The following DENND2A variants were observed in gnomAD, a reference collection of about 807,000 sequenced individuals.
DENND2A encodes DENN domain-containing protein 2A.
In DENND2A, 53 loss-of-function variants were observed where a neutral mutation model predicts 105.3. That is an observed-to-expected ratio of 0.50 (90% CI 0.40 to 0.63). The LOEUF is 0.63. DENND2A is among the 30% of genes least tolerant of loss of function. The probability of loss-of-function intolerance (pLI) is 0.00; values close to 1 mark genes in which losing one functional copy is unlikely to be tolerated. For synonymous variants in DENND2A, 522 were observed against 508.4 expected (o/e 1.03, Z -0.36); for missense variants, 1,138 against 1,279.6 (o/e 0.89, Z 1.69).
intron 1 of DENND2A, among the ~76,000 whole-genome samples, chr7:140,614,182 C>A (rs1800004881): frequency 6.6e-6 from 1 of 152,162 alleles, no homozygotes; most frequent in Non-Finnish European, 1.5e-5. Flanking sequence ...TGGCTCACTG[C>A]AGCCTCTACC....
At chr7:140,600,088 A>G (rs1266056772) in intron 3 of DENND2A, among the ~76,000 whole-genome samples, 2 of 152,104 alleles carry the variant, frequency 1.3e-5, no homozygotes, top group East Asian at 3.9e-4. Flanking sequence ...ATGACTTTTT[A>G]GGTTTGTGGC....
intron 5 of DENND2A, among the ~76,000 whole-genome samples, chr7:140,580,118 T>G (rs1798478263): frequency 6.6e-6 from 1 of 151,944 alleles, no homozygotes; most frequent in Non-Finnish European, 1.5e-5. Flanking sequence ...CAAAAAAAAA[T>G]GTAAATCTAT....
At chr7:140,546,992 G>A (rs943852643) in intron 12 of DENND2A, 53 bp from the exon 13 acceptor site, 13 of 1,586,954 alleles carry the variant, frequency 8.2e-6, no homozygotes, top group Admixed American at 3.4e-5. Context: ...GCACCAAGGT[G>A]GAGCTCAGTT....
chr7:140,607,906 C>G (rs1799751678), intron 1 of DENND2A, among the ~76,000 whole-genome samples: 1 of 152,112 alleles, frequency 6.6e-6, no homozygotes, highest in Non-Finnish European at 1.5e-5. Context: ...CAGGATGCAC[C>G]GAAGGACTCA....
rs6942870 is a variant in DENND2A at position 140,637,101 on chromosome 7, C to G, written c.-248+3403G>C. ...CTGATCTCAAGTGATCTGCCTGCCTCGGCCTCCCAAAGCGTTGGGATTACA... is the reference window on the plus strand; with the variant it reads ...CTGATCTCAAGTGATCTGCCTGCCTGGGCCTCCCAAAGCGTTGGGATTACA... On this transcript the variant is annotated intron_variant, in intron 1 of 19. Coordinates refer to ENST00000496613, the MANE Select transcript of DENND2A (RefSeq NM_015689.5). Among the ~76,000 whole-genome samples, 965 of 152,166 alleles carry G rather than the reference C, an allele frequency of 6.3e-3. 4 individuals carry two copies. Among genetic ancestry groups the G allele is most frequent in the African/African-American group, 0.022 (916 of 41,538 alleles).
intron 8 of DENND2A, among the ~76,000 whole-genome samples, chr7:140,567,793 C>G (rs544716586): frequency 1.3e-5 from 2 of 152,300 alleles, no homozygotes; most frequent in South Asian, 4.1e-4. Flanking sequence ...CTCAGGAACT[C>G]CTGTCCACCT....
At chr7:140,628,364 G>A (rs1157068745) in intron 1 of DENND2A, among the ~76,000 whole-genome samples, 2 of 152,036 alleles carry the variant, frequency 1.3e-5, no homozygotes, top group African/African-American at 4.8e-5. Flanking sequence ...GGCGGAGGTC[G>A]CCCTCAGACC....
At chr7:140,547,881 G>A (rs1297248366) in intron 12 of DENND2A, among the ~76,000 whole-genome samples, 1 of 152,182 alleles carries the variant, frequency 6.6e-6, no homozygotes, top group Non-Finnish European at 1.5e-5. Context: ...AGTCATAAAA[G>A]GCCATCTAAT....
At chr7:140,636,512 CT>C (rs1214346142) in intron 1 of DENND2A, among the ~76,000 whole-genome samples, 1 of 152,128 alleles carries the variant, frequency 6.6e-6, no homozygotes, top group African/African-American at 2.4e-5. Context: ...CACCTGGGAT[CT>C]TTTGGAATCT....
intron 18 of DENND2A, among the ~76,000 whole-genome samples, chr7:140,520,234 A>G (rs1468057098): frequency 1.3e-5 from 2 of 150,264 alleles, no homozygotes; most frequent in East Asian, 4.0e-4. Flanking sequence ...TGAACCCGGG[A>G]GGCGGAGGTT....
At chr7:140,579,373 T>C (rs1033688871) in intron 5 of DENND2A, among the ~76,000 whole-genome samples, 1 of 150,064 alleles carries the variant, frequency 6.7e-6, no homozygotes, top group Non-Finnish European at 1.5e-5. Context: ...CAAAACTGCA[T>C]ATACAATATA....
chr7:140,525,047 G>A lies in DENND2A; in HGVS notation c.2547+704C>T, dbSNP rs528715664. Reference sequence around the variant, plus strand: ...ACTACAGGCGTAAATGCATATTGAAGCTGGGCATGGTGGTGCATGCCTCCA... The same window carrying A: ...ACTACAGGCGTAAATGCATATTGAAACTGGGCATGGTGGTGCATGCCTCCA... On this transcript the variant is annotated intron_variant, in intron 16 of 19. Coordinates refer to ENST00000496613, the MANE Select transcript of DENND2A (RefSeq NM_015689.5). Among the ~76,000 whole-genome samples the A allele has an allele frequency of 1.3e-3, 195 of 151,318 alleles. 1 individual carries two copies. Among genetic ancestry groups the A allele is most frequent in the African/African-American group, 4.5e-3 (184 of 41,012 alleles).
chr7:140,523,707 T>C lies in DENND2A; in HGVS notation c.2548-283A>G, dbSNP rs868157613. ...ATTCTGCCTCAGCCTCCCAAGTAGC[T>C]GGAACTACAGGCGCGTGCCACCGCT... On this transcript the variant is annotated intron_variant, in intron 16 of 19. Transcript: ENST00000496613. The surrounding 1 kb of genome is among the most constrained non-coding windows in gnomAD (Gnocchi z 4.5). Among the ~76,000 whole-genome samples, 1 of 152,184 alleles carries C rather than the reference T, an allele frequency of 6.6e-6. No individual in the cohort carries two copies. The highest frequency in any genetic ancestry group is 1.5e-5 in the Non-Finnish European group (1 of 68,036).
Position 140,570,622 on chromosome 7 carries a change from C to A in DENND2A, c.1447-884G>T, listed in dbSNP as rs1029423683. Reference sequence around the variant, plus strand: ...GACACGCTCCCCAGATGTCATGTACCCTCCATGTGTTCACAGAACACACAC... The same window carrying A: ...GACACGCTCCCCAGATGTCATGTACACTCCATGTGTTCACAGAACACACAC... On this transcript the variant is annotated intron_variant, in intron 6 of 19. Coordinates refer to ENST00000496613, the MANE Select transcript of DENND2A (RefSeq NM_015689.5). Among the ~76,000 whole-genome samples, 14 of 152,290 alleles carry A rather than the reference C, an allele frequency of 9.2e-5. No homozygotes were observed. The East Asian group carries it at 2.7e-3, about 30-fold the overall frequency.
intron 5 of DENND2A, among the ~76,000 whole-genome samples, chr7:140,580,125 C>T (rs75009028): frequency 0.017 from 2,564 of 152,122 alleles, 74 homozygotes; most frequent in African/African-American, 0.057. Context: ...AAATGTAAAT[C>T]TATTACAGAA....
chr7:140,555,835 A>C lies in DENND2A; in HGVS notation c.1960-122T>G, dbSNP rs1017727199. ...TTTCCACATATCATAGCTCTGGAAAACCCAATAAAGTAAGTTGTTATCCCA... is the reference window on the plus strand; with the variant it reads ...TTTCCACATATCATAGCTCTGGAAACCCCAATAAAGTAAGTTGTTATCCCA... On this transcript the variant is annotated intron_variant, in intron 11 of 19. Coordinates refer to ENST00000496613, the MANE Select transcript of DENND2A (RefSeq NM_015689.5). 3 of 698,546 alleles carry C rather than the reference A, an allele frequency of 4.3e-6. No homozygotes were observed. The African/African-American group carries it at 5.5e-5, about 13-fold the overall frequency. The allele number at this position is 698,546 out of a possible 1,614,324, so 43.3% of individuals were successfully genotyped here.
chr7:140,587,858 C>T, intron 3 of DENND2A, 78 bp from the exon 4 acceptor site: 1 of 1,338,064 alleles, frequency 7.5e-7, no homozygotes, highest in Non-Finnish European at 9.7e-7. Flanking sequence ...ATTAATATAT[C>T]CCCTCGGCCA....
rs1405187731 is a variant in DENND2A, at chr7:140,518,648, G to A, written c.*59C>T. On this transcript the variant is annotated 3_prime_UTR_variant, in exon 20 of 20. Transcript: ENST00000496613. ...ACCCAGCCTTTCAGAAAGGCCACCA[G>A]GAACTGTTTTTAAAGCATAGGGCTG... The A allele has an allele frequency of 7.0e-6, 11 of 1,568,114 alleles. No homozygotes were observed. The highest frequency in any genetic ancestry group is 8.8e-6 in the Non-Finnish European group (10 of 1,140,372).
chr7:140,582,017 T>C (rs1177833869), intron 5 of DENND2A, among the ~76,000 whole-genome samples: 2 of 149,710 alleles, frequency 1.3e-5, no homozygotes, highest in African/African-American at 5.0e-5. Flanking sequence ...CAGGCTGGAG[T>C]GAAGTGGCAT....
Sources: gnomAD v4.1 joint callset for allele counts (sites outside exome capture counted in the v4.1 genomes callset) on GRCh38, gnomAD v4.1.1 for gene constraint, Gnocchi (gnomAD v3.1) non-coding constraint, MANE v1.5 for transcripts, NCBI Gene and HGNC (gene_info 2026-07-23, HGNC 2026-07-21) for gene names.